CADPS: variants seen among roughly 807,000 people sequenced by gnomAD.
CADPS encodes the protein calcium-dependent secretion activator 1.
A neutral mutation model predicts 167.3 loss-of-function variants in CADPS; 57 were observed. That is an observed-to-expected ratio of 0.34 (90% confidence interval 0.28 to 0.42). The LOEUF is 0.42. CADPS is among the 20% of genes least tolerant of loss of function. CADPS has a pLI of 1.00. For synonymous variants in CADPS, 676 were observed against 635.3 expected (o/e 1.06, Z -0.96); for missense variants, 1,414 against 1,738.1 (o/e 0.81, Z 3.32).
intron 1 of CADPS, among the ~76,000 whole-genome samples, chr3:62,815,600 G>C (rs2094575650): frequency 6.6e-6 from 1 of 152,126 alleles, no homozygotes; most frequent in African/African-American, 2.4e-5. Flanking sequence ...AGACACATGA[G>C]AAAGGCAGAA....
At chr3:62,595,634 ATATT>A (rs1190200521) in intron 6 of CADPS, among the ~76,000 whole-genome samples, 2 of 152,296 alleles carry the variant, frequency 1.3e-5, no homozygotes, top group Admixed American at 6.5e-5. Flanking sequence ...TTATCTATTT[ATATT>A]TATTTATTTA....
intron 3 of CADPS, among the ~76,000 whole-genome samples, chr3:62,747,643 T>C (rs1339231633): frequency 6.6e-6 from 1 of 152,150 alleles, no homozygotes; most frequent in Non-Finnish European, 1.5e-5. Flanking sequence ...TGATAGAGAA[T>C]CCAATATTGA....
At chr3:62,531,966 G>C (rs530778354) in intron 13 of CADPS, among the ~76,000 whole-genome samples, 22 of 152,306 alleles carry the variant, frequency 1.4e-4, no homozygotes, top group African/African-American at 4.8e-4. Flanking sequence ...GACGTTCTGG[G>C]CTTGTATATA....
intron 3 of CADPS, among the ~76,000 whole-genome samples, chr3:62,720,884 C>A (rs1258727468): frequency 1.4e-5 from 2 of 146,626 alleles, no homozygotes; most frequent in Admixed American, 6.9e-5. Context: ...ATGGTGCGAT[C>A]TTGGCTCACT....
At chr3:62,856,664 G>A (rs1234437998) in intron 1 of CADPS, among the ~76,000 whole-genome samples, 1 of 151,656 alleles carries the variant, frequency 6.6e-6, no homozygotes, top group Non-Finnish European at 1.5e-5. Context: ...TTTCTACCAG[G>A]AGCTCAAAAA....
At chr3:62,803,915 C>A (rs1380430806) in intron 1 of CADPS, among the ~76,000 whole-genome samples, 1 of 152,066 alleles carries the variant, frequency 6.6e-6, no homozygotes, top group African/African-American at 2.4e-5. Context: ...CTCCGTGGGG[C>A]CTTTGCACAG....
rs116401387 is a variant in CADPS at position 62,493,699 on chromosome 3, A to T, written c.2707-34T>A. ...CAAATTAAATGAAAAAAATCAAGTC[A>T]TGGACCATTCTGCAAGGTTGGCTTG... On this transcript the variant is annotated intron_variant, in intron 18 of 29. Transcript: ENST00000383710. 7.8e-4 allele frequency: 1,202 copies of T among 1,548,054 alleles called. 6 individuals carry two copies. The African/African-American group carries it at 0.015, about 19-fold the overall frequency.
chr3:62,826,244 GA>G (rs1359858484), intron 1 of CADPS, among the ~76,000 whole-genome samples: 1 of 152,128 alleles, frequency 6.6e-6, no homozygotes, highest in Non-Finnish European at 1.5e-5. Flanking sequence ...AAAGAGAAAG[GA>G]GATCCTCCTA....
At chr3:62,511,859 C>T (rs143919503) in intron 17 of CADPS, among the ~76,000 whole-genome samples, 4 of 152,208 alleles carry the variant, frequency 2.6e-5, no homozygotes, top group African/African-American at 9.6e-5. Context: ...ACTGTACCTG[C>T]TACAGGGTAG....
intron 1 of CADPS, among the ~76,000 whole-genome samples, chr3:62,818,661 G>T (rs1246020475): frequency 6.6e-6 from 1 of 152,116 alleles, no homozygotes. Context: ...CTACAAGATG[G>T]CAACTTCTCT....
intron 18 of CADPS, 118 bp from the exon 19 acceptor site, chr3:62,493,783 G>C (rs1472967510): frequency 1.6e-5 from 13 of 827,738 alleles, no homozygotes; most frequent in Non-Finnish European, 2.0e-6. Context: ...CACTGATTCA[G>C]ATTAATGGGA....
chr3:62,765,142 A>G (rs2086516944), intron 2 of CADPS, among the ~76,000 whole-genome samples: 1 of 152,250 alleles, frequency 6.6e-6, no homozygotes, highest in Admixed American at 6.5e-5. Flanking sequence ...AGCATTGCCA[A>G]TAGGAAGGTA....
intron 6 of CADPS, among the ~76,000 whole-genome samples, chr3:62,631,291 A>C (rs1024422296): frequency 6.6e-6 from 1 of 152,138 alleles, no homozygotes; most frequent in Non-Finnish European, 1.5e-5. Context: ...TGGCAGACCC[A>C]TTGTCACTTA....
At chr3:62,481,213 C>T (rs1462386695) in intron 22 of CADPS, among the ~76,000 whole-genome samples, 1 of 152,086 alleles carries the variant, frequency 6.6e-6, no homozygotes, top group East Asian at 1.9e-4. Context: ...TTCATTTAGC[C>T]CTGAACATAC....
At chr3:62,714,056 C>T (rs2083925689) in intron 3 of CADPS, among the ~76,000 whole-genome samples, 1 of 152,002 alleles carries the variant, frequency 6.6e-6, no homozygotes, top group Admixed American at 6.6e-5. Context: ...TAGATGAGGC[C>T]ATTGAGGCTC....
intron 1 of CADPS, among the ~76,000 whole-genome samples, chr3:62,843,635 T>C (rs2076956967): frequency 6.6e-6 from 1 of 152,114 alleles, no homozygotes; most frequent in South Asian, 2.1e-4. Context: ...ACAAAACTCC[T>C]GCCTTATAGT....
At chr3:62,663,827 A>G (rs1417212459) in intron 3 of CADPS, among the ~76,000 whole-genome samples, 2 of 152,172 alleles carry the variant, frequency 1.3e-5, no homozygotes, top group South Asian at 4.1e-4. Flanking sequence ...TTCAGGAACC[A>G]GCATCACTTT....
chr3:62,420,914 A>ACGCACACAC lies in CADPS; in HGVS notation c.3777+17189_3777+17190insGTGTGTGCG, dbSNP rs1553715656. Among the ~76,000 whole-genome samples the ACGCACACAC allele has an allele frequency of 1.7e-5, 2 of 118,736 alleles. No individual in the cohort carries two copies. Among genetic ancestry groups the ACGCACACAC allele is most frequent in the African/African-American group, 6.4e-5 (2 of 31,454 alleles). 77.9% of individuals were successfully genotyped at this position (118,736 alleles called of 152,430 possible). ...CACACACACACACAGGCACACACAC[A>ACGCACACAC]CACACTTGCCAGATCACTTACCCAA... On this transcript the variant is annotated intron_variant, in intron 28 of 29. Coordinates refer to ENST00000383710, the MANE Select transcript of CADPS (RefSeq NM_003716.4). The surrounding 1 kb of genome is among the most constrained non-coding windows in gnomAD (Gnocchi z 4.1).
intron 26 of CADPS, among the ~76,000 whole-genome samples, chr3:62,454,670 G>T (rs2058474510): frequency 6.6e-6 from 1 of 152,098 alleles, no homozygotes; most frequent in Non-Finnish European, 1.5e-5. Flanking sequence ...AACCATCAAG[G>T]ATAATATTCT....
Sources: allele counts gnomAD v4.1 joint callset (sites outside exome capture counted in the v4.1 genomes callset), GRCh38; gene constraint gnomAD v4.1.1; non-coding constraint Gnocchi (gnomAD v3.1); transcripts MANE v1.5; gene names NCBI Gene and HGNC (gene_info 2026-07-23, HGNC 2026-07-21).